Variants in GRIK4 observed in about 807,000 individuals in gnomAD.
GRIK4 encodes glutamate receptor ionotropic, kainate 4.
A neutral mutation model predicts 104.9 loss-of-function variants in GRIK4; 40 were observed. The ratio of observed to expected loss-of-function variants is 0.38; its 90% confidence interval spans 0.30 to 0.50. The LOEUF (loss-of-function observed/expected upper bound fraction) is 0.50. Ranked by LOEUF, GRIK4 falls within the 20% of genes least tolerant of loss-of-function variation. The pLI, the probability that GRIK4 is intolerant of heterozygous loss-of-function variation, is 0.93. For synonymous variants in GRIK4, 485 were observed against 524.9 expected (o/e 0.92, Z 1.04); for missense variants, 1,047 against 1,308.1 (o/e 0.80, Z 3.08).
chr11:120,730,187 T>G (rs1487563945), intron 3 of GRIK4, among the ~76,000 whole-genome samples: 1 of 152,036 alleles, frequency 6.6e-6, no homozygotes, highest in Non-Finnish European at 1.5e-5. Context: ...AAACCCTGTC[T>G]CTATGAAATA....
At chr11:120,833,224 T>G (rs1215383158) in intron 7 of GRIK4, among the ~76,000 whole-genome samples, 4 of 152,192 alleles carry the variant, frequency 2.6e-5, no homozygotes, top group Non-Finnish European at 5.9e-5. Context: ...AAGCCATGTC[T>G]GTCTGTGTGC....
intron 3 of GRIK4, among the ~76,000 whole-genome samples, chr11:120,709,563 G>A (rs540436521): frequency 1.3e-5 from 2 of 152,288 alleles, no homozygotes; most frequent in East Asian, 3.9e-4. Flanking sequence ...AGTTTGATAG[G>A]AGTACTGGAG....
At chr11:120,887,967 C>T (rs1955168519) in intron 11 of GRIK4, among the ~76,000 whole-genome samples, 1 of 152,106 alleles carries the variant, frequency 6.6e-6, no homozygotes, top group Non-Finnish European at 1.5e-5. Flanking sequence ...AGTGGGACCA[C>T]CCAGAGGCGG....
In GRIK4 at chr11:120,905,661, C is replaced by T. The variant is rs1000004067; in HGVS notation, c.1476+168C>T. Among the ~76,000 whole-genome samples, 5 of 152,198 alleles carry T rather than the reference C, an allele frequency of 3.3e-5. No homozygotes were observed. Among genetic ancestry groups the T allele is most frequent in the African/African-American group, 1.2e-4 (5 of 41,446 alleles). Reference sequence around the variant, plus strand: ...TAAATCTTGCCTGGACTGGCACAGACGTGCGGTGGTGGATAAGCCTGCAAT... The same window carrying T: ...TAAATCTTGCCTGGACTGGCACAGATGTGCGGTGGTGGATAAGCCTGCAAT... On this transcript the variant is annotated intron_variant, in intron 13 of 20. Transcript: ENST00000527524. The surrounding 1 kb of genome is among the most constrained non-coding windows in gnomAD (Gnocchi z 5.1).
intron 11 of GRIK4, among the ~76,000 whole-genome samples, chr11:120,892,823 C>T (rs1955343794): frequency 6.6e-6 from 1 of 152,134 alleles, no homozygotes; most frequent in South Asian, 2.1e-4. Flanking sequence ...ACCCTGTGGC[C>T]CTATCAGCCC....
intron 1 of GRIK4, chr11:120,575,680 C>G (rs1002721390): frequency 6.6e-6 from 1 of 152,232 alleles, no homozygotes; most frequent in Non-Finnish European, 1.5e-5. Flanking sequence ...AACCACAGGT[C>G]ACTCTGACTT....
At chr11:120,710,988 C>G (rs897581978) in intron 3 of GRIK4, among the ~76,000 whole-genome samples, 1 of 126,072 alleles carries the variant, frequency 7.9e-6, no homozygotes, top group Non-Finnish European at 1.6e-5. Context: ...CTCGCTTGCC[C>G]CTGTGAGGTG....
chr11:120,867,221 C>A (rs1954445400), intron 9 of GRIK4, among the ~76,000 whole-genome samples: 1 of 152,178 alleles, frequency 6.6e-6, no homozygotes, highest in Admixed American at 6.5e-5. Context: ...TCTCTCAAGG[C>A]TTCTCACTTT....
At chr11:120,565,772 C>A (rs1213433957) in intron 1 of GRIK4, among the ~76,000 whole-genome samples, 2 of 152,172 alleles carry the variant, frequency 1.3e-5, no homozygotes, top group Non-Finnish European at 2.9e-5. Flanking sequence ...CTCAGTCTTT[C>A]CACTTATAAT....
chr11:120,781,870 C>T (rs1952164743), intron 3 of GRIK4, among the ~76,000 whole-genome samples: 1 of 152,154 alleles, frequency 6.6e-6, no homozygotes. Flanking sequence ...ATGTGACAAC[C>T]TGTGTGTCCC....
intron 19 of GRIK4, among the ~76,000 whole-genome samples, chr11:120,970,182 T>C (rs1473883442): frequency 6.6e-6 from 1 of 152,182 alleles, no homozygotes. Flanking sequence ...ATTTCCCAAA[T>C]AGCCTTCGCA....
chr11:120,830,208 A>T lies in GRIK4; in HGVS notation c.512-1644A>T, dbSNP rs1953385535. Among the ~76,000 whole-genome samples, 3 of 149,960 alleles carry T rather than the reference A, an allele frequency of 2.0e-5. No homozygotes were observed. The South Asian group carries it at 6.3e-4, about 31-fold the overall frequency. The stretch of plus-strand genomic sequence containing the variant: ...TGAAGAAAAAAAAAAAAAAAAGCAC[A>T]GACACACAACCAGCATCAGCTTCCC... On this transcript the variant is annotated intron_variant, in intron 6 of 20. Coordinates refer to ENST00000527524, the MANE Select transcript of GRIK4 (RefSeq NM_014619.5).
At chr11:120,686,650 A>C (rs989593163) in intron 3 of GRIK4, among the ~76,000 whole-genome samples, 1 of 152,236 alleles carries the variant, frequency 6.6e-6, no homozygotes, top group African/African-American at 2.4e-5. Flanking sequence ...TGATGTGGAG[A>C]ATCCAAATAA....
chr11:120,607,302 G>A (rs953148241), intron 1 of GRIK4, among the ~76,000 whole-genome samples: 26 of 152,322 alleles, frequency 1.7e-4, no homozygotes, highest in African/African-American at 6.0e-4. Flanking sequence ...GTTGAGGGGC[G>A]ATCATGGGAA....
chr11:120,596,047 A>C (rs1404140536), intron 1 of GRIK4, among the ~76,000 whole-genome samples: 2 of 152,008 alleles, frequency 1.3e-5, no homozygotes, highest in African/African-American at 4.8e-5. Context: ...GTGTTTCATC[A>C]TGTTGGCCAG....
chr11:120,728,948 AC>A (rs1951080237), intron 3 of GRIK4, among the ~76,000 whole-genome samples: 1 of 151,810 alleles, frequency 6.6e-6, no homozygotes, highest in Non-Finnish European at 1.5e-5. Context: ...CCATCCTTCT[AC>A]TCTCTTTCTC....
At chr11:120,755,447 A>C (rs778072320) in intron 3 of GRIK4, among the ~76,000 whole-genome samples, 2 of 152,032 alleles carry the variant, frequency 1.3e-5, no homozygotes, top group Non-Finnish European at 2.9e-5. Flanking sequence ...CTCTACAAAA[A>C]ATTTGAAGAA....
intron 3 of GRIK4, among the ~76,000 whole-genome samples, chr11:120,681,635 G>A (rs1220053860): frequency 6.6e-6 from 1 of 152,234 alleles, no homozygotes; most frequent in Non-Finnish European, 1.5e-5. Flanking sequence ...TGGAGAGGGA[G>A]CGTAATGAGA....
At chr11:120,921,621 T>G (rs751034920) in intron 13 of GRIK4, among the ~76,000 whole-genome samples, 2 of 152,160 alleles carry the variant, frequency 1.3e-5, no homozygotes, top group Admixed American at 6.5e-5. Context: ...TCCACCCTCC[T>G]GGCTCCCACA....
Sources: allele counts gnomAD v4.1 joint callset (sites outside exome capture counted in the v4.1 genomes callset), GRCh38; gene constraint gnomAD v4.1.1; non-coding constraint Gnocchi (gnomAD v3.1); transcripts MANE v1.5; gene names NCBI Gene and HGNC (gene_info 2026-07-23, HGNC 2026-07-21).